SMAD3: variants seen among roughly 807,000 people sequenced by gnomAD.
SMAD3 encodes MAD homolog 3.
A neutral mutation model predicts 51.8 loss-of-function variants in SMAD3; 12 were observed. That is an observed-to-expected ratio of 0.23 (90% confidence interval 0.15 to 0.38). SMAD3 has a LOEUF of 0.38. Among genes scored for constraint, SMAD3 ranks in the 10% least tolerant of loss-of-function variants. The probability of loss-of-function intolerance (pLI) is 1.00; values close to 1 mark genes in which losing one functional copy is unlikely to be tolerated. For synonymous variants in SMAD3, 238 were observed against 227.7 expected, an observed-to-expected ratio of 1.05 and a Z score of -0.41; for missense variants, 294 against 565.6, an observed-to-expected ratio of 0.52 and a Z score of 4.87.
At chr15:67,086,259 GGT>G (rs1960391055) in intron 1 of SMAD3, among the ~76,000 whole-genome samples, 1 of 152,098 alleles carries the variant, frequency 6.6e-6, no homozygotes, top group African/African-American at 2.4e-5. Flanking sequence ...AGGCTGTAGG[GGT>G]GTGTGTTACT....
At chr15:67,188,138 TTTTC>T (rs199605378) in intron 8 of SMAD3, among the ~76,000 whole-genome samples, 2,821 of 131,566 alleles carry the variant, frequency 0.021, 80 homozygotes, top group African/African-American at 0.074. Context: ...ACTGGTTTCT[TTTTC>T]TTTTTCTTTT....
chr15:67,126,091 G>C (rs906017041), intron 1 of SMAD3: 1 of 503,346 alleles, frequency 2.0e-6, no homozygotes, highest in Non-Finnish European at 2.6e-6. Flanking sequence ...AGGGAATTGC[G>C]TAGTTTTTTT....
At position 67,193,176 on chromosome 15, in the gene SMAD3, C is replaced by CT. The variant is rs1301902781; in HGVS notation, c.*2646dup. The CT allele has an allele frequency of 4.3e-6, 1 of 233,196 alleles. No homozygotes were observed. Among genetic ancestry groups the CT allele is most frequent in the Non-Finnish European group, 8.5e-6 (1 of 118,024 alleles). The allele number at this position is 233,196 out of a possible 1,614,324, so 14.4% of individuals were successfully genotyped here. A position where few individuals can be genotyped will look rare whatever the true frequency, so the allele number is the denominator to read the frequency against. ...TGAATGGCATTTGTATATTAAAACA[C>CT]TTTTTTAAAGGACAGTTGAAAAGGG... is the stretch of plus-strand genomic sequence containing the variant. On this transcript the variant is annotated 3_prime_UTR_variant, in exon 9 of 9. Coordinates refer to ENST00000327367, the MANE Select transcript of SMAD3 (RefSeq NM_005902.4).
At chr15:67,164,699 G>A (rs369670427) in intron 1 of SMAD3, among the ~76,000 whole-genome samples, 196 bp from the exon 2 acceptor site, 9 of 152,308 alleles carry the variant, frequency 5.9e-5, no homozygotes, top group African/African-American at 9.6e-5. Flanking sequence ...GAGTCCTCAC[G>A]GGGCCTTTGT....
intron 1 of SMAD3, chr15:67,146,202 C>T (rs938402783): frequency 1.3e-5 from 2 of 152,170 alleles, no homozygotes; most frequent in African/African-American, 4.8e-5. Context: ...CCTGTTCTTC[C>T]TGCACATAGA....
At chr15:67,158,379 G>A (rs1312017346) in intron 1 of SMAD3, among the ~76,000 whole-genome samples, 1 of 152,234 alleles carries the variant, frequency 6.6e-6, no homozygotes, top group East Asian at 1.9e-4. Flanking sequence ...GAACCAAGAG[G>A]TGTTGTTGCT....
intron 1 of SMAD3, among the ~76,000 whole-genome samples, chr15:67,103,720 A>G (rs892120323): frequency 6.6e-6 from 1 of 152,160 alleles, no homozygotes; most frequent in Non-Finnish European, 1.5e-5. Context: ...AGCACATAGC[A>G]CAACAAGGAG....
At chr15:67,175,426 C>T (rs762120678) in intron 5 of SMAD3, among the ~76,000 whole-genome samples, 1 of 152,146 alleles carries the variant, frequency 6.6e-6, no homozygotes, top group Non-Finnish European at 1.5e-5. Flanking sequence ...GTGAATTGCC[C>T]TCTAGATTGT....
At chr15:67,091,107 G>C (rs1960499376) in intron 1 of SMAD3, among the ~76,000 whole-genome samples, 1 of 152,206 alleles carries the variant, frequency 6.6e-6, no homozygotes, top group African/African-American at 2.4e-5. Flanking sequence ...CGAAATGGTG[G>C]AAAAAGAAGA....
intron 1 of SMAD3, among the ~76,000 whole-genome samples, chr15:67,119,885 C>T (rs1301571656): frequency 6.6e-6 from 1 of 152,166 alleles, no homozygotes; most frequent in African/African-American, 2.4e-5. Flanking sequence ...CAGCCTTGAC[C>T]TCCCAGGCTC....
At chr15:67,181,484 A>T in intron 6 of SMAD3, 31 bp downstream of exon 6, 1 of 1,010,068 alleles carries the variant, frequency 9.9e-7, no homozygotes, top group Non-Finnish European at 1.2e-6. Context: ...CCGCCCCCCC[A>T]CCCTGCCCCT....
At chr15:67,130,202 G>T (rs1403021895) in intron 1 of SMAD3, among the ~76,000 whole-genome samples, 1 of 152,210 alleles carries the variant, frequency 6.6e-6, no homozygotes, top group Non-Finnish European at 1.5e-5. Context: ...TGAGGCAACA[G>T]AAACTCAGAG....
intron 1 of SMAD3, among the ~76,000 whole-genome samples, chr15:67,078,767 G>A (rs1003752187): frequency 2.6e-5 from 4 of 152,210 alleles, no homozygotes; most frequent in Admixed American, 2.6e-4. Flanking sequence ...AGTGCCCTGG[G>A]TTCAAATCCC....
chr15:67,119,003 G>A (rs1196723467), intron 1 of SMAD3, among the ~76,000 whole-genome samples: 2 of 152,224 alleles, frequency 1.3e-5, no homozygotes, highest in Non-Finnish European at 2.9e-5. Flanking sequence ...CTGGATAGAT[G>A]AGCGTGGAGT....
intron 4 of SMAD3, 132 bp downstream of exon 4, chr15:67,166,985 C>T (rs190684294): frequency 2.6e-5 from 20 of 778,168 alleles, no homozygotes; most frequent in Middle Eastern, 2.2e-4. Context: ...AGAGCAACCG[C>T]GATGTGCAAG....
At chr15:67,164,794 A>G (rs1325360615) in intron 1 of SMAD3, 101 bp from the exon 2 acceptor site, 2 of 1,198,878 alleles carry the variant, frequency 1.7e-6, no homozygotes, top group Non-Finnish European at 2.5e-6. Flanking sequence ...AAATGAGGGG[A>G]GAGAGAGCTT....
Position 67,084,062 on chromosome 15 carries a change from TTTTTTTTC to T in SMAD3, c.206+17710_206+17717del, listed in dbSNP as rs1399039994. 1.8e-4 allele frequency among the ~76,000 whole-genome samples: 23 copies of T among 126,510 alleles called. No individual in the cohort carries two copies. The Admixed American group carries it at 1.9e-3, about 10-fold the overall frequency. The allele number at this position is 126,510 out of a possible 152,430, so 83.0% of individuals were successfully genotyped here. A position where few individuals can be genotyped will look rare whatever the true frequency, so the allele number is the denominator to read the frequency against. On this transcript the variant is annotated intron_variant, in intron 1 of 8. Transcript: ENST00000327367. Reference sequence around the variant, plus strand: ...CTGTGTATCCGTTCTCAGATTTTCTTTTTTTTTCTTTTTTTTTTTTTTTTTTTTTTTGA... The same window carrying T: ...CTGTGTATCCGTTCTCAGATTTTCTTTTTTTTTTTTTTTTTTTTTTTTTGA...
At chr15:67,113,341 G>C (rs984071092) in intron 1 of SMAD3, among the ~76,000 whole-genome samples, 1 of 150,990 alleles carries the variant, frequency 6.6e-6, no homozygotes, top group African/African-American at 2.4e-5. Context: ...CCACCCATGT[G>C]GGCCTCCCAA....
chr15:67,163,818 A>T, intron 1 of SMAD3, among the ~76,000 whole-genome samples: 1 of 152,044 alleles, frequency 6.6e-6, no homozygotes, highest in Non-Finnish European at 1.5e-5. Flanking sequence ...GTGCCCCTGC[A>T]GTCCCAGCTA....
Sources: allele counts gnomAD v4.1 joint callset (sites outside exome capture counted in the v4.1 genomes callset), GRCh38; gene constraint gnomAD v4.1.1; transcripts MANE v1.5; gene names NCBI Gene and HGNC (gene_info 2026-07-23, HGNC 2026-07-21).